HYDIN: variants seen among roughly 807,000 people sequenced by gnomAD.
HYDIN encodes the protein axonemal central pair apparatus protein HYDIN.
A neutral mutation model predicts 403.9 loss-of-function variants in HYDIN; 132 were observed. The ratio of observed to expected loss-of-function variants is 0.33; its 90% CI spans 0.28 to 0.38. HYDIN has a LOEUF of 0.38. Among genes scored for constraint, HYDIN ranks in the 10% least tolerant of loss-of-function variants. The pLI is 1.00. For missense variants in HYDIN, 2,827 were observed against 5,009.5 expected (o/e 0.56, Z 13.15); for synonymous variants, 1,202 against 1,891.7 (o/e 0.64, Z 9.46).
intron 12 of HYDIN, among the ~76,000 whole-genome samples, chr16:71,085,014 A>G (rs1009837386): frequency 8.9e-5 from 11 of 123,802 alleles, no homozygotes; most frequent in African/African-American, 3.2e-4. Flanking sequence ...GTATTTTGTC[A>G]AAGATTTTTG....
At chr16:71,000,604 A>C (rs1438058617) in intron 23 of HYDIN, among the ~76,000 whole-genome samples, 1 of 152,192 alleles carries the variant, frequency 6.6e-6, no homozygotes, top group Non-Finnish European at 1.5e-5. Context: ...ACCCCGCTCC[A>C]TAAGTTTCCC....
At position 71,129,761 on chromosome 16, in the gene HYDIN, A is replaced by G. The variant is rs370849368; in HGVS notation, c.1106T>C (p.Ile369Thr). 5.1e-5 allele frequency: 83 copies of G among 1,613,784 alleles called. No homozygotes were observed. The highest frequency in any genetic ancestry group is 6.9e-5 in the Non-Finnish European group (81 of 1,179,864). ...DETDEFFEEC[I>T]TDPLLREHLS... is the part of the protein sequence containing the mutation. ...ATGTTCTCGGAGTAAAGGATCAGTA[A>G]TGCACTCTTCAAAAAACTCATCAGT... The change falls in exon 9 of 86, where the codon ATT (isoleucine) becomes ACT (threonine). Residue 369 changes from isoleucine (I) to threonine (T), a missense_variant. By Grantham distance (89) the Ile-to-Thr change is moderately conservative. Transcript: ENST00000393567.
At chr16:71,229,691 T>C (rs2041193860) in intron 1 of HYDIN, among the ~76,000 whole-genome samples, 1 of 152,196 alleles carries the variant, frequency 6.6e-6, no homozygotes, top group Non-Finnish European at 1.5e-5. Context: ...TTCTGGATAA[T>C]GCAGAATCAG....
intron 4 of HYDIN, among the ~76,000 whole-genome samples, chr16:71,177,701 C>T (rs1310057601): frequency 6.6e-6 from 1 of 152,128 alleles, no homozygotes; most frequent in Non-Finnish European, 1.5e-5. Context: ...TTCTTAGACC[C>T]CTGAAAGTAT....
At chr16:71,175,843 A>ACAC in intron 4 of HYDIN, 102 bp from the exon 5 acceptor site, 2 of 1,157,328 alleles carry the variant, frequency 1.7e-6, no homozygotes, top group Non-Finnish European at 2.6e-6. Flanking sequence ...GACCTTGGTC[A>ACAC]GGTCTGAACT....
intron 23 of HYDIN, among the ~76,000 whole-genome samples, chr16:70,995,554 A>G (rs1271639399): frequency 6.6e-6 from 1 of 152,160 alleles, no homozygotes; most frequent in Non-Finnish European, 1.5e-5. Flanking sequence ...AAAATCCACC[A>G]TACTTCTTTC....
intron 47 of HYDIN, among the ~76,000 whole-genome samples, chr16:70,916,630 C>T (rs930761113): frequency 1.8e-4 from 28 of 152,110 alleles, no homozygotes; most frequent in African/African-American, 5.3e-4. Context: ...TCTATCCACC[C>T]GAGTTGGAGT....
At chr16:71,219,956 T>G (rs530555570) in intron 1 of HYDIN, among the ~76,000 whole-genome samples, 75 of 152,188 alleles carry the variant, frequency 4.9e-4, no homozygotes, top group Non-Finnish European at 8.7e-4. Context: ...TGATGGTAAC[T>G]GTGGTTCAGC....
At chr16:71,029,716 TG>T (rs1361135034) in intron 19 of HYDIN, among the ~76,000 whole-genome samples, 1 of 148,306 alleles carries the variant, frequency 6.7e-6, no homozygotes, top group Non-Finnish European at 1.5e-5. Flanking sequence ...TTCAACCATG[TG>T]ACTTGCTTTT....
chr16:71,198,477 A>G (rs921578914), intron 1 of HYDIN, among the ~76,000 whole-genome samples: 1 of 152,156 alleles, frequency 6.6e-6, no homozygotes. Context: ...GTTGTGAAGA[A>G]TAACTGTAGA....
intron 1 of HYDIN, among the ~76,000 whole-genome samples, chr16:71,220,632 C>T (rs2089152371): frequency 6.6e-6 from 1 of 152,130 alleles, no homozygotes; most frequent in African/African-American, 2.4e-5. Flanking sequence ...CCAGGTTTCA[C>T]GAAAGATTTA....
chr16:70,809,960 G>A lies in HYDIN; in HGVS notation c.14706C>T (p.Phe4902=), dbSNP rs367919415. 5.7e-5 allele frequency: 92 copies of A among 1,614,022 alleles called. No homozygotes were observed. The Admixed American group carries it at 7.5e-4, about 13-fold the overall frequency. The change falls in exon 85 of 86, where the codon TTC becomes TTT. Residue 4902 remains phenylalanine, a synonymous_variant. Coordinates refer to ENST00000393567, the MANE Select transcript of HYDIN (RefSeq NM_001270974.2). ...CAGTGTTGTGCAAAGTTAGTCTTCC[G>A]AAGGTTTCTCCAGCTTTCAGGGGCT... is the stretch of plus-strand genomic sequence containing the variant. ...EFQPLKAGET[F]GRLTLHNTDL...
intron 45 of HYDIN, among the ~76,000 whole-genome samples, chr16:70,923,790 C>T (rs1460043718): frequency 4.1e-5 from 6 of 147,312 alleles, no homozygotes; most frequent in Non-Finnish European, 6.0e-5. Context: ...CACTGCACTC[C>T]GGCCTCGGCG....
At chr16:71,033,158 G>C (rs1212932149) in intron 18 of HYDIN, among the ~76,000 whole-genome samples, 1 of 151,968 alleles carries the variant, frequency 6.6e-6, no homozygotes, top group Non-Finnish European at 1.5e-5. Flanking sequence ...AATGACATTA[G>C]TGAGACCAAT....
intron 85 of HYDIN, among the ~76,000 whole-genome samples, chr16:70,809,011 C>A (rs1175575774): frequency 6.6e-6 from 1 of 152,168 alleles, no homozygotes; most frequent in African/African-American, 2.4e-5. Context: ...TGCTTATGCC[C>A]AGACTGTTAT....
intron 5 of HYDIN, among the ~76,000 whole-genome samples, chr16:71,170,248 T>C (rs923527019): frequency 4.6e-5 from 7 of 152,252 alleles, no homozygotes; most frequent in Admixed American, 2.0e-4. Flanking sequence ...GTTGTTGTTA[T>C]TGTTTTTAGA....
chr16:71,105,282 T>C (rs1012898136), intron 10 of HYDIN, among the ~76,000 whole-genome samples: 16 of 151,888 alleles, frequency 1.1e-4, no homozygotes, highest in African/African-American at 3.6e-4. Flanking sequence ...CAGAGACATT[T>C]AAGAGACATG....
intron 36 of HYDIN, among the ~76,000 whole-genome samples, chr16:70,967,512 C>T (rs1227505465): frequency 9.2e-5 from 14 of 151,682 alleles, no homozygotes; most frequent in African/African-American, 2.7e-4. Context: ...GACAGAGTCT[C>T]GCTCTGTCGC....
intron 47 of HYDIN, 23 bp from the exon 48 acceptor site, chr16:70,908,884 G>T (rs764839132): frequency 1.0e-5 from 16 of 1,605,550 alleles, no homozygotes; most frequent in Non-Finnish European, 1.2e-5. Context: ...CGAGCATGAG[G>T]TCTTAAATAT....
Sources: gnomAD v4.1 joint callset for allele counts (sites outside exome capture counted in the v4.1 genomes callset) on GRCh38, gnomAD v4.1.1 for gene constraint, MANE v1.5 for transcripts, NCBI Gene and HGNC (gene_info 2026-07-23, HGNC 2026-07-21) for gene names.